The following HLCS variants were observed in gnomAD, a reference collection of about 807,000 sequenced individuals.
HLCS encodes the protein biotin--protein ligase.
In HLCS, 53 loss-of-function variants were observed where a neutral mutation model predicts 75.0. The observed-to-expected ratio is 0.71, with a 90% CI of 0.57 to 0.89. The LOEUF (loss-of-function observed/expected upper bound fraction) is 0.89, where lower values mean the gene tolerates loss of function less well. Among genes scored for constraint, HLCS ranks in the 40% least tolerant of loss-of-function variants. HLCS has a pLI of 0.00. For missense variants in HLCS, 966 were observed against 1,074.0 expected, an observed-to-expected ratio of 0.90 and a Z score of 1.41; for synonymous variants, 431 against 428.6, an observed-to-expected ratio of 1.01 and a Z score of -0.07.
intron 6 of HLCS, among the ~76,000 whole-genome samples, chr21:36,881,559 G>T (rs2064216507): frequency 6.6e-6 from 1 of 152,238 alleles, no homozygotes; most frequent in Non-Finnish European, 1.5e-5. Flanking sequence ...ATTCCGTGTT[G>T]ATGGGACAGC....
At chr21:36,989,561 T>C (rs2069301392) in intron 1 of HLCS, among the ~76,000 whole-genome samples, 1 of 152,088 alleles carries the variant, frequency 6.6e-6, no homozygotes, top group African/African-American at 2.4e-5. Flanking sequence ...ACTCCTGACC[T>C]CAAGTGATCT....
chr21:36,827,907 G>A (rs762574128), intron 6 of HLCS, among the ~76,000 whole-genome samples: 67 of 150,128 alleles, frequency 4.5e-4, no homozygotes, highest in Non-Finnish European at 7.2e-4. Flanking sequence ...TCCACCTCCC[G>A]GGTTCACACC....
chr21:36,903,759 G>C (rs1432371025), intron 5 of HLCS, among the ~76,000 whole-genome samples: 1 of 152,198 alleles, frequency 6.6e-6, no homozygotes, highest in Admixed American at 6.5e-5. Flanking sequence ...ATGGTAGAAA[G>C]AGAAGAGGAA....
At chr21:36,917,514 A>G (rs1233135162) in intron 5 of HLCS, among the ~76,000 whole-genome samples, 1 of 152,160 alleles carries the variant, frequency 6.6e-6, no homozygotes, top group Non-Finnish European at 1.5e-5. Context: ...ATAACAGCTT[A>G]TTGGCACCGA....
intron 6 of HLCS, among the ~76,000 whole-genome samples, chr21:36,868,376 A>T (rs1293884442): frequency 2.6e-5 from 4 of 152,202 alleles, no homozygotes; most frequent in Non-Finnish European, 5.9e-5. Context: ...GACAGTGATT[A>T]TAGAGGTGGG....
At chr21:36,930,028 A>G (rs933950143) in intron 5 of HLCS, among the ~76,000 whole-genome samples, 1 of 152,250 alleles carries the variant, frequency 6.6e-6, no homozygotes, top group Non-Finnish European at 1.5e-5. Context: ...CCACACCTGC[A>G]GACTTAACAC....
At chr21:36,979,359 C>T (rs2146733256) in intron 1 of HLCS, among the ~76,000 whole-genome samples, 1 of 151,966 alleles carries the variant, frequency 6.6e-6, no homozygotes, top group South Asian at 2.1e-4. Context: ...AAATAAATTC[C>T]CTGGAAAGAC....
In HLCS at chr21:36,752,407, T is replaced by C. The variant is rs1185885423; in HGVS notation, c.*1839A>G. ...TTCATTAAATAACCCCCAAAGAAATTCAAAAAGTGATGATGGCAGCTCTGA... is the reference window on the plus strand; with the variant it reads ...TTCATTAAATAACCCCCAAAGAAATCCAAAAAGTGATGATGGCAGCTCTGA... On this transcript the variant is annotated 3_prime_UTR_variant, in exon 11 of 11. Coordinates refer to ENST00000674895, the MANE Select transcript of HLCS (RefSeq NM_001352514.2). The C allele has an allele frequency of 6.6e-6, 1 of 152,388 alleles. No homozygotes were observed. The highest frequency in any genetic ancestry group is 1.5e-5 in the Non-Finnish European group (1 of 68,008). The allele number at this position is 152,388 out of a possible 1,614,324, so 9.4% of individuals were successfully genotyped here.
Position 36,768,072 on chromosome 21 carries a change from C to T in HLCS, c.1893-787G>A, listed in dbSNP as rs1029882838. On this transcript the variant is annotated intron_variant, in intron 6 of 10. Coordinates refer to ENST00000674895, the MANE Select transcript of HLCS (RefSeq NM_001352514.2). ...AGCTGCGCTCTCCCTATTTTAACCC[C>T]GTGGTAGGACAGTTCCTCTCTACGT... Among the ~76,000 whole-genome samples, 7 of 152,244 alleles carry T rather than the reference C, an allele frequency of 4.6e-5. No individual in the cohort carries two copies. In the East Asian group the frequency reaches 1.2e-3, roughly 25 times the overall value.
At chr21:36,837,433 C>A (rs2062452398) in intron 6 of HLCS, among the ~76,000 whole-genome samples, 1 of 152,118 alleles carries the variant, frequency 6.6e-6, no homozygotes, top group South Asian at 2.1e-4. Context: ...AAATACAGCA[C>A]ACAAAAAACT....
At chr21:36,989,198 G>A (rs1338409750) in intron 1 of HLCS, among the ~76,000 whole-genome samples, 3 of 151,400 alleles carry the variant, frequency 2.0e-5, no homozygotes, top group Non-Finnish European at 4.4e-5. Flanking sequence ...TTTTTGCAGA[G>A]GGGTTTTCGC....
intron 6 of HLCS, among the ~76,000 whole-genome samples, chr21:36,780,774 G>A (rs943721266): frequency 1.3e-5 from 2 of 152,126 alleles, no homozygotes; most frequent in Non-Finnish European, 2.9e-5. Context: ...ACACAGCCGC[G>A]CAGAGATACC....
intron 6 of HLCS, among the ~76,000 whole-genome samples, chr21:36,876,533 T>C (rs1402794571): frequency 5.3e-5 from 8 of 152,340 alleles, no homozygotes; most frequent in African/African-American, 1.9e-4. Flanking sequence ...AGATGTGTGC[T>C]GTTTACTTTC....
At chr21:36,784,756 C>T (rs1369174109) in intron 6 of HLCS, among the ~76,000 whole-genome samples, 1 of 152,048 alleles carries the variant, frequency 6.6e-6, no homozygotes, top group Non-Finnish European at 1.5e-5. Context: ...AGAACTGAAA[C>T]AGAGTCACCT....
At chr21:36,788,018 T>G (rs1156946074) in intron 6 of HLCS, among the ~76,000 whole-genome samples, 1 of 152,160 alleles carries the variant, frequency 6.6e-6, no homozygotes, top group Non-Finnish European at 1.5e-5. Flanking sequence ...ATCATGGGTT[T>G]ATTCCATTTC....
At chr21:36,943,116 CT>C (rs1308315743) in intron 2 of HLCS, among the ~76,000 whole-genome samples, 3 of 152,050 alleles carry the variant, frequency 2.0e-5, no homozygotes, top group African/African-American at 7.2e-5. Flanking sequence ...TAATACACTG[CT>C]GGTAGAAATT....
chr21:36,946,544 C>T (rs2067406128), intron 2 of HLCS, among the ~76,000 whole-genome samples: 1 of 151,968 alleles, frequency 6.6e-6, no homozygotes, highest in Non-Finnish European at 1.5e-5. Flanking sequence ...GTCCGGCCCC[C>T]CACAACAAAA....
intron 6 of HLCS, among the ~76,000 whole-genome samples, chr21:36,855,043 A>G (rs2063138738): frequency 6.6e-6 from 1 of 151,758 alleles, no homozygotes. Context: ...CATAGTGTCC[A>G]GGCTGCCCAA....
At position 36,765,026 on chromosome 21, in the gene HLCS, T is replaced by C; in HGVS notation, c.2107A>G (p.Ile703Val). ...ACTGTACCTACCTGATACTCGGGAA[T>C]GGACCTCACTGCTTCCACGACAGCC... ...SVAVVEAVRS[I>V]PEYQDINLRV... Residue 703 changes from isoleucine (I) to valine (V), a missense_variant, in exon 8 of 11, where the codon ATT becomes GTT. Ile to Val is a conservative substitution (Grantham distance 29). Coordinates refer to ENST00000674895, the MANE Select transcript of HLCS (RefSeq NM_001352514.2). The C allele has an allele frequency of 6.2e-7, 1 of 1,614,234 alleles. No individual in the cohort carries two copies. Among genetic ancestry groups the C allele is most frequent in the Non-Finnish European group, 8.5e-7 (1 of 1,180,034 alleles).
Sources: gnomAD v4.1 joint callset for allele counts (sites outside exome capture counted in the v4.1 genomes callset) on GRCh38, gnomAD v4.1.1 for gene constraint, MANE v1.5 for transcripts, NCBI Gene and HGNC (gene_info 2026-07-23, HGNC 2026-07-21) for gene names.